Variants in SKIC3 observed in about 807,000 individuals in gnomAD.
The protein encoded by SKIC3 is superkiller complex protein 3.
chr5:95,510,030 TG>T, the SKIC3 span, among the ~76,000 whole-genome samples: 1 of 152,240 alleles, frequency 6.6e-6, no homozygotes, highest in Admixed American at 6.5e-5. Flanking sequence ...TAAGCCTTCC[TG>T]TGATTAAATT....
chr5:95,488,938 T>C, the SKIC3 span, among the ~76,000 whole-genome samples: 3 of 152,288 alleles, frequency 2.0e-5, no homozygotes, highest in East Asian at 5.8e-4. Flanking sequence ...AATTAAACTT[T>C]CCATTGAAAA....
the SKIC3 span, chr5:95,464,513 A>C: frequency 2.1e-6 from 2 of 965,348 alleles, no homozygotes; most frequent in Non-Finnish European, 3.2e-6. Flanking sequence ...GAATAAATAT[A>C]GTTTAAAAAA....
At chr5:95,520,706 T>C in the SKIC3 span, 9 of 1,596,620 alleles carry the variant, frequency 5.6e-6, no homozygotes, top group Admixed American at 1.2e-4. Flanking sequence ...ATAATAAGAA[T>C]AATACGAACC....
the SKIC3 span, among the ~76,000 whole-genome samples, chr5:95,491,282 C>T: frequency 1.3e-5 from 2 of 152,140 alleles, no homozygotes; most frequent in African/African-American, 2.4e-5. Flanking sequence ...GCTGTTCATC[C>T]ATGGCTGGTT....
At chr5:95,516,538 T>C in the SKIC3 span, 7 of 1,613,324 alleles carry the variant, frequency 4.3e-6, no homozygotes, top group African/African-American at 1.3e-5. Context: ...TTGTTCTGAC[T>C]GGATTGATTT....
At chr5:95,519,581 G>A in the SKIC3 span, among the ~76,000 whole-genome samples, 9 of 152,002 alleles carry the variant, frequency 5.9e-5, no homozygotes, top group South Asian at 1.0e-3. Context: ...AGTGAAACAG[G>A]CGATTTTAAG....
At chr5:95,504,845 A>G in the SKIC3 span, among the ~76,000 whole-genome samples, 1 of 152,128 alleles carries the variant, frequency 6.6e-6, no homozygotes, top group African/African-American at 2.4e-5. Flanking sequence ...TAATAAAAAA[A>G]AATACAAAAA....
At chr5:95,492,432 C>T in the SKIC3 span, among the ~76,000 whole-genome samples, 1 of 150,252 alleles carries the variant, frequency 6.7e-6, no homozygotes, top group Non-Finnish European at 1.5e-5. Flanking sequence ...GTCAAGAGAT[C>T]GAGACCATCC....
At chr5:95,511,076 C>G in the SKIC3 span, among the ~76,000 whole-genome samples, 1 of 152,202 alleles carries the variant, frequency 6.6e-6, no homozygotes, top group South Asian at 2.1e-4. Context: ...CTTGAAAAAT[C>G]CTTAAAGTCA....
At chr5:95,510,512 A>G in the SKIC3 span, among the ~76,000 whole-genome samples, 1 of 152,180 alleles carries the variant, frequency 6.6e-6, no homozygotes, top group Non-Finnish European at 1.5e-5. Context: ...GGATAACATC[A>G]CTATTCAGAG....
the SKIC3 span, among the ~76,000 whole-genome samples, chr5:95,466,637 T>C: frequency 6.6e-6 from 1 of 152,218 alleles, no homozygotes; most frequent in Non-Finnish European, 1.5e-5. Flanking sequence ...ATCATTGTGA[T>C]GTTAATACAA....
the SKIC3 span, among the ~76,000 whole-genome samples, chr5:95,483,229 A>G: frequency 6.6e-6 from 1 of 152,128 alleles, no homozygotes; most frequent in African/African-American, 2.4e-5. Flanking sequence ...GTATGTGTAT[A>G]TATTTTTATA....
chr5:95,543,371 A>G, the SKIC3 span: 1 of 1,599,410 alleles, frequency 6.3e-7, no homozygotes, highest in African/African-American at 1.3e-5. Context: ...AAATTTTCGA[A>G]GCAAATGAAC....
At chr5:95,484,401 T>C in the SKIC3 span, among the ~76,000 whole-genome samples, 5 of 148,680 alleles carry the variant, frequency 3.4e-5, no homozygotes, top group Non-Finnish European at 5.9e-5. Context: ...GGCTGGAGTG[T>C]AGTGGTGTGA....
the SKIC3 span, among the ~76,000 whole-genome samples, chr5:95,521,177 G>C: frequency 6.6e-6 from 1 of 151,892 alleles, no homozygotes; most frequent in Non-Finnish European, 1.5e-5. Flanking sequence ...TGTGAAACAA[G>C]ATATGATCTT....
chr5:95,550,037 C>T, the SKIC3 span, among the ~76,000 whole-genome samples: 1 of 151,970 alleles, frequency 6.6e-6, no homozygotes, highest in East Asian at 1.9e-4. Flanking sequence ...TAATTCTTTC[C>T]GCCTTATACC....
At chr5:95,498,682 G>A in the SKIC3 span, 1 of 1,207,438 alleles carries the variant, frequency 8.3e-7, no homozygotes, top group Non-Finnish European at 1.2e-6. Context: ...CTGGAGTGCA[G>A]TGGCACCATC....
the SKIC3 span, among the ~76,000 whole-genome samples, chr5:95,534,843 A>G: frequency 2.0e-5 from 3 of 152,088 alleles, no homozygotes; most frequent in African/African-American, 7.2e-5. Flanking sequence ...CTTCCAAACC[A>G]TATGTCTACG....
chr5:95,491,764 ATTTG>A, the SKIC3 span, among the ~76,000 whole-genome samples: 14 of 152,090 alleles, frequency 9.2e-5, no homozygotes, highest in Non-Finnish European at 1.9e-4. Context: ...TTTTCTTTTC[ATTTG>A]TTTGGTCATT....
Sources: gnomAD v4.1 joint callset for allele counts (sites outside exome capture counted in the v4.1 genomes callset) on GRCh38, gnomAD v4.1.1 for gene constraint, MANE v1.5 for transcripts, NCBI Gene and HGNC (gene_info 2026-07-23, HGNC 2026-07-21) for gene names.